Variants in CAMKK1 observed in about 807,000 individuals in gnomAD.
The protein encoded by CAMKK1 is calcium/calmodulin dependent protein kinase kinase 1, also known as calcium/calmodulin-dependent protein kinase kinase 1.
A neutral mutation model predicts 63.5 loss-of-function variants in CAMKK1; 20 were observed. That is an observed-to-expected ratio of 0.32 (90% CI 0.22 to 0.46). CAMKK1 has a LOEUF of 0.46. Ranked by LOEUF, CAMKK1 falls within the 20% of genes least tolerant of loss-of-function variation. CAMKK1 has a pLI of 1.00. For missense variants in CAMKK1, 588 were observed against 658.1 expected (o/e 0.89, Z 1.17); for synonymous variants, 253 against 269.0 (o/e 0.94, Z 0.58).
At position 3,862,884 on chromosome 17, in the gene CAMKK1, A is replaced by G. The variant is rs1050222245; in HGVS notation, c.1446-601T>C. ...ACTCCTGGGCTCAAGCGATCCATCC[A>G]CCTCAGCCTCCTAAAGTGTTGGGAT... On this transcript the variant is annotated intron_variant, in intron 15 of 15. Coordinates refer to ENST00000348335, the MANE Select transcript of CAMKK1 (RefSeq NM_032294.3). This position sits in a 1 kb window ranked among gnomAD's most constrained non-coding sequence, Gnocchi z 4.1. 1.4e-4 allele frequency among the ~76,000 whole-genome samples: 21 copies of G among 151,972 alleles called. No homozygotes were observed. Among genetic ancestry groups the G allele is most frequent in the Admixed American group, 1.2e-3 (18 of 15,258 alleles).
At chr17:3,869,637 G>T (rs2054750670) in intron 13 of CAMKK1, 22 bp from the exon 14 acceptor site, 2 of 1,613,984 alleles carry the variant, frequency 1.2e-6, no homozygotes, top group Non-Finnish European at 1.7e-6. Context: ...GGGAGGGCAG[G>T]GAGAGGGGGA....
Position 3,862,614 on chromosome 17 carries a change from C to G in CAMKK1, c.1446-331G>C, listed in dbSNP as rs2054367850. ...TCCAACTATCAGCCTAATCAAGGGC[C>G]TTCTCTCTGTGTGTGTGGTTTTGTT... On this transcript the variant is annotated intron_variant, in intron 15 of 15. Coordinates refer to ENST00000348335, the MANE Select transcript of CAMKK1 (RefSeq NM_032294.3). The surrounding 1 kb of genome is among the most constrained non-coding windows in gnomAD (Gnocchi z 4.1). Among the ~76,000 whole-genome samples, 1 of 152,158 alleles carries G rather than the reference C, an allele frequency of 6.6e-6. No homozygotes were observed. Among genetic ancestry groups the G allele is most frequent in the Non-Finnish European group, 1.5e-5 (1 of 68,018 alleles).
chr17:3,874,024 C>G (rs2055028104), intron 10 of CAMKK1, among the ~76,000 whole-genome samples: 1 of 152,212 alleles, frequency 6.6e-6, no homozygotes, highest in African/African-American at 2.4e-5. Context: ...CTACCTTCTG[C>G]TCCGGAACGC....
In CAMKK1 at chr17:3,869,507, T is replaced by C; in HGVS notation, c.1321A>G (p.Ile441Val). 1 of 1,614,222 alleles carries C rather than the reference T, an allele frequency of 6.2e-7. No homozygotes were observed. The highest frequency in any genetic ancestry group is 8.5e-7 in the Non-Finnish European group (1 of 1,180,040). The change falls in exon 14 of 16, where the codon ATC becomes GTC. Residue 441 changes from isoleucine (I) to valine (V), a missense_variant. Ile to Val is a conservative substitution (Grantham distance 29). Coordinates refer to ENST00000348335, the MANE Select transcript of CAMKK1 (RefSeq NM_032294.3). ...CTTACCACCGTGGTCCAGCTGGGGA[T>C]GAGCCTGACTGAGTTCTTAACCTCC... ...EEEVKNSVRL[I>V]PSWTTVILVK...
rs1018541762 is a variant in CAMKK1 at position 3,892,516 on chromosome 17, G to A, written c.-44+423C>T. On this transcript the variant is annotated intron_variant, in intron 1 of 15. Transcript: ENST00000348335. This position sits in a 1 kb window ranked among gnomAD's most constrained non-coding sequence, Gnocchi z 7.5. ...CCCATTCATCTCCCACCCCGCCCCC[G>A]GCTCCTGCAGGAAGACGCTCCGGCG... 1.3e-5 allele frequency among the ~76,000 whole-genome samples: 2 copies of A among 152,026 alleles called. No individual in the cohort carries two copies. The highest frequency in any genetic ancestry group is 2.9e-5 in the Non-Finnish European group (2 of 67,970).
At position 3,870,396 on chromosome 17, in the gene CAMKK1, C is replaced by T. The variant is rs1272875244; in HGVS notation, c.1125-508G>A. Among the ~76,000 whole-genome samples, 4 of 151,726 alleles carry T rather than the reference C, an allele frequency of 2.6e-5. No homozygotes were observed. In the South Asian group the frequency reaches 6.2e-4, roughly 24 times the overall value. ...CTTTTTTTTTTTTGAGATGGAGTCT[C>T]GCTCTGTGGCCCAGGCTGGAGTGCA... On this transcript the variant is annotated intron_variant, in intron 12 of 15. Transcript: ENST00000348335.
chr17:3,870,826 G>T (rs957401444), intron 12 of CAMKK1, among the ~76,000 whole-genome samples: 1 of 152,144 alleles, frequency 6.6e-6, no homozygotes, highest in African/African-American at 2.4e-5. Context: ...ACACCCCTCA[G>T]CAGGGGGTAT....
chr17:3,867,381 G>A (rs1246850844), intron 14 of CAMKK1, among the ~76,000 whole-genome samples: 1 of 152,192 alleles, frequency 6.6e-6, no homozygotes, highest in East Asian at 1.9e-4. Flanking sequence ...AACAGGGCGG[G>A]TGGTGGGGCA....
At chr17:3,869,367 CCCAGGATCACAGCTGGCTGG>C in intron 14 of CAMKK1, 100 bp downstream of exon 14, 1 of 1,388,630 alleles carries the variant, frequency 7.2e-7, no homozygotes, top group South Asian at 1.4e-5. Context: ...GCTCCAGTGG[CCCAGGATCACAGCTGGCTGG>C]CCAGGCAGGC....
At chr17:3,870,819 C>A (rs2054815304) in intron 12 of CAMKK1, among the ~76,000 whole-genome samples, 1 of 152,088 alleles carries the variant, frequency 6.6e-6, no homozygotes, top group African/African-American at 2.4e-5. Context: ...GGGAAAGACA[C>A]CCCTCAGCAG....
Position 3,883,229 on chromosome 17 carries a change from T to C in CAMKK1, c.515-54A>G. ...TGTTCCAGGTGGCTGGGCCTCACCG[T>C]GGCCCCCAAACCAGTCTCAAGCAAG... On this transcript the variant is annotated intron_variant, in intron 5 of 15. Transcript: ENST00000348335. This position sits in a 1 kb window ranked among gnomAD's most constrained non-coding sequence, Gnocchi z 4.7. 2 of 1,600,624 alleles carry C rather than the reference T, an allele frequency of 1.2e-6. No homozygotes were observed. Among genetic ancestry groups the C allele is most frequent in the East Asian group, 2.2e-5 (1 of 44,792 alleles).
Position 3,892,390 on chromosome 17 carries a change from G to C in CAMKK1, c.-44+549C>G, listed in dbSNP as rs1428492163. Among the ~76,000 whole-genome samples the C allele has an allele frequency of 6.6e-6, 1 of 151,994 alleles. No homozygotes were observed. The highest frequency in any genetic ancestry group is 2.4e-5 in the African/African-American group (1 of 41,360). On this transcript the variant is annotated intron_variant, in intron 1 of 15. Coordinates refer to ENST00000348335, the MANE Select transcript of CAMKK1 (RefSeq NM_032294.3). This position sits in a 1 kb window ranked among gnomAD's most constrained non-coding sequence, Gnocchi z 7.5. Reference sequence around the variant, plus strand: ...GGACACCCCCCCAGCCACCAGCCCTGCGCCTCCCGGGCCCCGAAGCCGCAG... The same window carrying C: ...GGACACCCCCCCAGCCACCAGCCCTCCGCCTCCCGGGCCCCGAAGCCGCAG...
Position 3,884,285 on chromosome 17 carries a change from T to A in CAMKK1, c.408+95A>T. On this transcript the variant is annotated intron_variant, in intron 3 of 15. Transcript: ENST00000348335. The surrounding 1 kb of genome is among the most constrained non-coding windows in gnomAD (Gnocchi z 4.5). ...CCTCACCTCCAGGCTAGGACTTGCC[T>A]GGCTCTGCCTCCCGTTCCCTCCCAC... 2 of 1,387,994 alleles carry A rather than the reference T, an allele frequency of 1.4e-6. No homozygotes were observed. The highest frequency in any genetic ancestry group is 2.0e-6 in the Non-Finnish European group (2 of 979,980). 86.0% of individuals were successfully genotyped at this position (1,387,994 alleles called of 1,614,324 possible).
chr17:3,868,585 C>T (rs1204090834), intron 14 of CAMKK1, among the ~76,000 whole-genome samples: 1 of 152,234 alleles, frequency 6.6e-6, no homozygotes, highest in African/African-American at 2.4e-5. Context: ...AGCTCAGTAA[C>T]TGTCTGGACG....
chr17:3,890,615 G>C lies in CAMKK1; in HGVS notation c.-44+2324C>G, dbSNP rs1314803845. 4 of 779,082 alleles carry C rather than the reference G, an allele frequency of 5.1e-6. No individual in the cohort carries two copies. The highest frequency in any genetic ancestry group is 1.7e-5 in the African/African-American group (1 of 59,106). 48.3% of individuals were successfully genotyped at this position (779,082 alleles called of 1,614,324 possible). The stretch of plus-strand genomic sequence containing the variant: ...CCCTCCCCATTCTTTCCTGACCCAG[G>C]TCAGCAATCCGGGAGCCCTCCTTGT... On this transcript the variant is annotated intron_variant, in intron 1 of 15. Coordinates refer to ENST00000348335, the MANE Select transcript of CAMKK1 (RefSeq NM_032294.3). This position sits in a 1 kb window ranked among gnomAD's most constrained non-coding sequence, Gnocchi z 6.5.
chr17:3,875,579 G>C (rs114241657), intron 10 of CAMKK1, among the ~76,000 whole-genome samples: 5,397 of 152,074 alleles, frequency 0.035, 343 homozygotes, highest in African/African-American at 0.12. Flanking sequence ...CACTGTGCCC[G>C]GCCTCCTGAC....
intron 9 of CAMKK1, among the ~76,000 whole-genome samples, chr17:3,877,098 G>A (rs947484834): frequency 1.3e-5 from 2 of 152,114 alleles, no homozygotes; most frequent in African/African-American, 4.8e-5. Flanking sequence ...CCCCTTCCCT[G>A]TGAGTGCCGT....
intron 10 of CAMKK1, 87 bp downstream of exon 10, chr17:3,876,136 G>A: frequency 7.9e-7 from 1 of 1,258,606 alleles, no homozygotes. Context: ...AAAGACCCTG[G>A]CACCCTCAGG....
intron 10 of CAMKK1, among the ~76,000 whole-genome samples, chr17:3,873,919 T>C (rs1009869369): frequency 9.2e-5 from 14 of 152,136 alleles, no homozygotes; most frequent in African/African-American, 3.4e-4. Flanking sequence ...GGCCCTGTCC[T>C]CTCACGCCCT....
Sources: gnomAD v4.1 joint callset for allele counts (sites outside exome capture counted in the v4.1 genomes callset) on GRCh38, gnomAD v4.1.1 for gene constraint, Gnocchi (gnomAD v3.1) non-coding constraint, MANE v1.5 for transcripts, NCBI Gene and HGNC (gene_info 2026-07-23, HGNC 2026-07-21) for gene names.